The following SAMMSON variants were observed in gnomAD, a reference collection of about 807,000 sequenced individuals.
SAMMSON encodes survival associated mitochondrial melanoma specific oncogenic non-coding RNA.
At chr3:70,094,222 C>T (rs1025150173) in intron 4 of SAMMSON, among the ~76,000 whole-genome samples, 4 of 152,112 alleles carry the variant, frequency 2.6e-5, no homozygotes, top group African/African-American at 9.7e-5. Flanking sequence ...CCTATCGGCT[C>T]CACTGTATAG....
At chr3:70,189,985 T>C (rs932811618) in intron 4 of SAMMSON, among the ~76,000 whole-genome samples, 2 of 152,220 alleles carry the variant, frequency 1.3e-5, no homozygotes, top group African/African-American at 4.8e-5. Flanking sequence ...TGGAATATTA[T>C]AGATTATATT....
intron 4 of SAMMSON, among the ~76,000 whole-genome samples, chr3:70,087,150 C>T (rs557585236): frequency 2.4e-4 from 37 of 152,242 alleles, no homozygotes; most frequent in African/African-American, 3.4e-4. Context: ...CCTGGATCTC[C>T]GCCATGTTGT....
chr3:70,150,709 C>T (rs1335801284), intron 4 of SAMMSON, among the ~76,000 whole-genome samples: 1 of 151,976 alleles, frequency 6.6e-6, no homozygotes, highest in African/African-American at 2.4e-5. Flanking sequence ...ACATGAGTGA[C>T]AATAAACTAC....
chr3:70,188,691 AC>A (rs1701109203), intron 4 of SAMMSON, among the ~76,000 whole-genome samples: 1 of 152,230 alleles, frequency 6.6e-6, no homozygotes, highest in South Asian at 2.1e-4. Context: ...TACCATATAT[AC>A]TAAGCCTACG....
intron 9 of SAMMSON, among the ~76,000 whole-genome samples, chr3:70,370,940 T>A (rs1702963550): frequency 6.6e-6 from 1 of 152,136 alleles, no homozygotes; most frequent in Non-Finnish European, 1.5e-5. Flanking sequence ...AGTATCCATA[T>A]AGTTTTGGGT....
At chr3:70,402,976 T>TA (rs1701153049) in intron 2 of SAMMSON, among the ~76,000 whole-genome samples, 1 of 152,146 alleles carries the variant, frequency 6.6e-6, no homozygotes, top group African/African-American at 2.4e-5. Context: ...ATATATTTTC[T>TA]TAATCAATAT....
At chr3:70,344,526 G>C (rs372637947) in intron 7 of SAMMSON, among the ~76,000 whole-genome samples, 2 of 152,144 alleles carry the variant, frequency 1.3e-5, no homozygotes, top group East Asian at 1.9e-4. Context: ...ATTCTTCCTG[G>C]ACACCAGACA....
At chr3:70,416,958 G>T (rs1678538489) in intron 2 of SAMMSON, among the ~76,000 whole-genome samples, 1 of 152,006 alleles carries the variant, frequency 6.6e-6, no homozygotes, top group South Asian at 2.1e-4. Flanking sequence ...CAGGAATAGA[G>T]AAAAACATCT....
At chr3:70,106,077 T>G (rs1408085882) in intron 4 of SAMMSON, among the ~76,000 whole-genome samples, 1 of 152,220 alleles carries the variant, frequency 6.6e-6, no homozygotes, top group Non-Finnish European at 1.5e-5. Flanking sequence ...TTTAATTCCT[T>G]TTAATTCTTG....
chr3:70,418,530 A>G (rs148841830), intron 2 of SAMMSON, among the ~76,000 whole-genome samples: 2 of 152,328 alleles, frequency 1.3e-5, no homozygotes, highest in African/African-American at 4.8e-5. Context: ...TGGCTGCGGC[A>G]TCTGCACATC....
chr3:70,264,958 T>C (rs897774113), intron 6 of SAMMSON, among the ~76,000 whole-genome samples: 2 of 152,116 alleles, frequency 1.3e-5, no homozygotes, highest in African/African-American at 4.8e-5. Context: ...GGAAGGTGAA[T>C]GAGGAGCAAA....
chr3:70,107,019 T>G (rs1032146233), intron 4 of SAMMSON, among the ~76,000 whole-genome samples: 1 of 152,178 alleles, frequency 6.6e-6, no homozygotes, highest in African/African-American at 2.4e-5. Context: ...TCTGCAAATA[T>G]TGGACACCCA....
chr3:70,272,666 T>TA (rs1188352317), intron 6 of SAMMSON, among the ~76,000 whole-genome samples: 1 of 152,202 alleles, frequency 6.6e-6, no homozygotes. Flanking sequence ...TTTAACTTTA[T>TA]AAAAAACTGC....
intron 4 of SAMMSON, among the ~76,000 whole-genome samples, chr3:70,154,217 T>G (rs2067582932): frequency 6.6e-6 from 1 of 152,050 alleles, no homozygotes; most frequent in Non-Finnish European, 1.5e-5. Context: ...ATTATAATAA[T>G]AGCAATACTA....
At chr3:70,325,039 C>T (rs9870891) in intron 7 of SAMMSON, among the ~76,000 whole-genome samples, 14,400 of 151,960 alleles carry the variant, frequency 0.095, 929 homozygotes, top group East Asian at 0.37. Context: ...TTCTTAACTC[C>T]GGTGTTTACA....
intron 4 of SAMMSON, among the ~76,000 whole-genome samples, chr3:70,077,615 A>C (rs1006250273): frequency 6.6e-6 from 1 of 152,160 alleles, no homozygotes. Context: ...GTTTATATAG[A>C]TCCTATATCA....
At position 70,342,496 on chromosome 3, in the gene SAMMSON, C is replaced by A. The variant is rs139988217; in HGVS notation, n.740-11679C>A. Among the ~76,000 whole-genome samples the A allele has an allele frequency of 2.0e-5, 3 of 152,274 alleles. No individual in the cohort carries two copies. In the East Asian group the frequency reaches 5.8e-4, roughly 29 times the overall value. On this transcript the variant is annotated intron_variant and non_coding_transcript_variant, in intron 7 of 9. Transcript: ENST00000642114. ...AGTGTAGTTGGCTTTACACTATATT[C>A]ATTCCAAAGTATTTGTCTTAGTGTC...
chr3:70,008,591 C>A (rs1449802526), intron 1 of SAMMSON, among the ~76,000 whole-genome samples: 2 of 152,156 alleles, frequency 1.3e-5, no homozygotes, highest in Non-Finnish European at 2.9e-5. Context: ...CAAACAGGGA[C>A]AATTTGACTT....
At chr3:70,368,417 C>T (rs1238095442) in intron 9 of SAMMSON, among the ~76,000 whole-genome samples, 1 of 151,498 alleles carries the variant, frequency 6.6e-6, no homozygotes, top group Non-Finnish European at 1.5e-5. Context: ...AAAACATTAA[C>T]AATGTGACTT....
Sources: allele counts gnomAD v4.1 joint callset (sites outside exome capture counted in the v4.1 genomes callset), GRCh38; gene constraint gnomAD v4.1.1; transcripts MANE v1.5; gene names NCBI Gene and HGNC (gene_info 2026-07-23, HGNC 2026-07-21).